Variants in THSD7A observed in about 807,000 individuals in gnomAD.
THSD7A encodes the protein thrombospondin type-1 domain-containing protein 7A.
THSD7A carries 96 observed loss-of-function variants against 231.3 expected under a neutral mutation model. The ratio of observed to expected loss-of-function variants is 0.41; its 90% confidence interval spans 0.35 to 0.49. The LOEUF (loss-of-function observed/expected upper bound fraction) is 0.49. THSD7A is among the 20% of genes least tolerant of loss of function. The probability of loss-of-function intolerance (pLI) is 0.05; values close to 1 mark genes in which losing one functional copy is unlikely to be tolerated. For missense variants in THSD7A, 2,290 were observed against 2,070.2 expected, an observed-to-expected ratio of 1.11 and a Z score of -2.06; for synonymous variants, 940 against 743.3, an observed-to-expected ratio of 1.26 and a Z score of -4.30.
At chr7:11,577,027 C>T (rs1278495929) in intron 4 of THSD7A, among the ~76,000 whole-genome samples, 1 of 152,136 alleles carries the variant, frequency 6.6e-6, no homozygotes, top group African/African-American at 2.4e-5. Flanking sequence ...TTGCCACTGA[C>T]TGTTTCAGTA....
intron 6 of THSD7A, among the ~76,000 whole-genome samples, chr7:11,507,975 C>G (rs1199537394): frequency 6.6e-6 from 1 of 152,130 alleles, no homozygotes; most frequent in East Asian, 1.9e-4. Flanking sequence ...CCTCAGGAAA[C>G]TTAAAATCAT....
intron 7 of THSD7A, among the ~76,000 whole-genome samples, chr7:11,480,108 T>C (rs979406759): frequency 6.6e-6 from 1 of 152,200 alleles, no homozygotes; most frequent in Non-Finnish European, 1.5e-5. Flanking sequence ...ATTTACTATA[T>C]AAACATCTAT....
chr7:11,591,949 C>A (rs2128341432), intron 3 of THSD7A, among the ~76,000 whole-genome samples: 1 of 152,154 alleles, frequency 6.6e-6, no homozygotes. Flanking sequence ...AATGCTTCCC[C>A]CCAAAAAGGG....
chr7:11,667,265 G>A (rs753666353), intron 1 of THSD7A, among the ~76,000 whole-genome samples: 20 of 152,018 alleles, frequency 1.3e-4, no homozygotes, highest in South Asian at 6.2e-4. Context: ...CCTTTGTATC[G>A]TCATAGCTTA....
At chr7:11,780,986 A>AGACT (rs1320323408) in intron 1 of THSD7A, among the ~76,000 whole-genome samples, 1 of 110,920 alleles carries the variant, frequency 9.0e-6, no homozygotes, top group Non-Finnish European at 1.7e-5. Flanking sequence ...CGACAGAGCG[A>AGACT]GACTCCGTCT....
At chr7:11,714,312 A>G (rs1562497466) in intron 1 of THSD7A, among the ~76,000 whole-genome samples, 2 of 151,238 alleles carry the variant, frequency 1.3e-5, no homozygotes. Context: ...TGACATGTGT[A>G]TTTTTAAATT....
chr7:11,782,548 C>T (rs1783667017), intron 1 of THSD7A, among the ~76,000 whole-genome samples: 1 of 152,066 alleles, frequency 6.6e-6, no homozygotes, highest in African/African-American at 2.4e-5. Flanking sequence ...AAATTGTAAT[C>T]CAAAGCCTCT....
intron 24 of THSD7A, among the ~76,000 whole-genome samples, chr7:11,381,608 G>C (rs1376704697): frequency 6.6e-6 from 1 of 152,136 alleles, no homozygotes; most frequent in African/African-American, 2.4e-5. Flanking sequence ...AAGTAAGCAG[G>C]TCTGCCTGAG....
chr7:11,747,727 TTGTG>T, intron 1 of THSD7A, among the ~76,000 whole-genome samples: 1 of 151,948 alleles, frequency 6.6e-6, no homozygotes, highest in Non-Finnish European at 1.5e-5. Context: ...AAAGGGGTGT[TTGTG>T]TGGCTCAAAA....
intron 1 of THSD7A, among the ~76,000 whole-genome samples, chr7:11,774,644 C>A (rs1444977047): frequency 6.6e-6 from 1 of 152,048 alleles, no homozygotes; most frequent in Non-Finnish European, 1.5e-5. Context: ...ATATATTATG[C>A]GTGTGCAGTT....
At chr7:11,798,611 T>C (rs977171103) in intron 1 of THSD7A, among the ~76,000 whole-genome samples, 3 of 152,126 alleles carry the variant, frequency 2.0e-5, no homozygotes, top group African/African-American at 7.2e-5. Flanking sequence ...ATTTGAACAA[T>C]ATTGTCATTT....
At chr7:11,643,538 A>T (rs979907696) in intron 1 of THSD7A, among the ~76,000 whole-genome samples, 19 of 151,918 alleles carry the variant, frequency 1.3e-4, no homozygotes, top group African/African-American at 4.4e-4. Flanking sequence ...ATTGTTCTAT[A>T]ATTTGCTTTT....
At chr7:11,583,990 T>C (rs1482688372) in intron 4 of THSD7A, among the ~76,000 whole-genome samples, 1 of 152,170 alleles carries the variant, frequency 6.6e-6, no homozygotes, top group African/African-American at 2.4e-5. Context: ...GTAAGTTGAG[T>C]TTCTCTACTT....
intron 2 of THSD7A, among the ~76,000 whole-genome samples, chr7:11,606,388 G>C (rs911599931): frequency 3.3e-5 from 5 of 152,052 alleles, no homozygotes; most frequent in African/African-American, 1.2e-4. Context: ...TGGTGGAGTT[G>C]GATGATTGAT....
chr7:11,379,643 G>A lies in THSD7A; in HGVS notation c.4577C>T (p.Ser1526Leu), dbSNP rs777154305. ...SCNPPCSQPHSYCSETKTCHC... is the reference protein window; with the variant it reads ...SCNPPCSQPHLYCSETKTCHC... ...ATTTTCACATACCTCGCTACAGTACGAGTGGGGTTGACTACACGGTGGGTT... is the reference window on the plus strand; with the variant it reads ...ATTTTCACATACCTCGCTACAGTACAAGTGGGGTTGACTACACGGTGGGTT... Residue 1526 changes from serine (S) to leucine (L), a missense_variant, in exon 25 of 28, where the codon TCG becomes TTG. Coordinates refer to ENST00000423059, the MANE Select transcript of THSD7A (RefSeq NM_015204.3). 6.3e-7 allele frequency: 1 copy of A among 1,584,882 alleles called. No homozygotes were observed. The highest frequency in any genetic ancestry group is 8.6e-7 in the Non-Finnish European group (1 of 1,164,658).
At chr7:11,617,676 T>C (rs2128351625) in intron 2 of THSD7A, among the ~76,000 whole-genome samples, 1 of 152,362 alleles carries the variant, frequency 6.6e-6, no homozygotes, top group Middle Eastern at 3.4e-3. Flanking sequence ...TAGATTTACC[T>C]TTTATTAGAT....
chr7:11,457,034 G>A (rs6948904), intron 11 of THSD7A, among the ~76,000 whole-genome samples: 5,257 of 151,850 alleles, frequency 0.035, 284 homozygotes, highest in African/African-American at 0.12. Flanking sequence ...ATCTACAAGT[G>A]CAAACTTGTT....
In THSD7A at chr7:11,512,942, G is replaced by GAGATATAT. The variant is rs1554327829; in HGVS notation, c.1822+28476_1822+28477insATATATCT. ...TAAAGTATAATAAAAAAGAAACTAT[G>GAGATATAT]ATATATATATATATATATGTAAAAT... On this transcript the variant is annotated intron_variant, in intron 6 of 27. Coordinates refer to ENST00000423059, the MANE Select transcript of THSD7A (RefSeq NM_015204.3). 9.8e-5 allele frequency among the ~76,000 whole-genome samples: 10 copies of GAGATATAT among 101,974 alleles called. 1 individual carries two copies. Among genetic ancestry groups the GAGATATAT allele is most frequent in the African/African-American group, 4.6e-4 (10 of 21,574 alleles). The allele number at this position is 101,974 out of a possible 152,430, so 66.9% of individuals were successfully genotyped here.
At chr7:11,518,787 A>G (rs545697779) in intron 6 of THSD7A, among the ~76,000 whole-genome samples, 6 of 152,204 alleles carry the variant, frequency 3.9e-5, no homozygotes, top group Non-Finnish European at 8.8e-5. Flanking sequence ...CCACTGGACA[A>G]AATGAACACA....
Sources: gnomAD v4.1 joint callset for allele counts (sites outside exome capture counted in the v4.1 genomes callset) on GRCh38, gnomAD v4.1.1 for gene constraint, MANE v1.5 for transcripts, NCBI Gene and HGNC (gene_info 2026-07-23, HGNC 2026-07-21) for gene names.